The following DCC variants were observed in gnomAD, a reference collection of about 807,000 sequenced individuals.
DCC encodes netrin receptor DCC.
Under a neutral mutation model 172.5 loss-of-function variants are expected in DCC, and 58 were observed. That is an observed-to-expected ratio of 0.34 (90% CI 0.27 to 0.42). The LOEUF (loss-of-function observed/expected upper bound fraction) is 0.42. Ranked by LOEUF, DCC falls within the 10% of genes least tolerant of loss-of-function variation. The probability of loss-of-function intolerance (pLI) is 1.00; values close to 1 mark genes in which losing one functional copy is unlikely to be tolerated. For synonymous variants in DCC, 709 were observed against 644.5 expected, an observed-to-expected ratio of 1.10 and a Z score of -1.52; for missense variants, 1,740 against 1,791.0, an observed-to-expected ratio of 0.97 and a Z score of 0.51.
chr18:52,631,035 A>G (rs2144879829), intron 1 of DCC, among the ~76,000 whole-genome samples: 1 of 152,232 alleles, frequency 6.6e-6, no homozygotes, highest in East Asian at 1.9e-4. Context: ...TTCTCCTGGC[A>G]CCTCTAGCAT....
chr18:52,726,685 G>A (rs1444227414), intron 1 of DCC, among the ~76,000 whole-genome samples: 1 of 152,196 alleles, frequency 6.6e-6, no homozygotes, highest in Non-Finnish European at 1.5e-5. Context: ...AGGCTCTGAA[G>A]TCAGGAAGAC....
At chr18:52,453,897 T>G (rs1988381498) in intron 1 of DCC, among the ~76,000 whole-genome samples, 1 of 152,192 alleles carries the variant, frequency 6.6e-6, no homozygotes, top group Admixed American at 6.5e-5. Flanking sequence ...AGAAATGAAA[T>G]GACTTGTTAC....
chr18:52,563,571 T>A (rs1365338690), intron 1 of DCC, among the ~76,000 whole-genome samples: 4 of 152,192 alleles, frequency 2.6e-5, no homozygotes, highest in Non-Finnish European at 5.9e-5. Flanking sequence ...TCAGGAACAC[T>A]AAGTTTAAGG....
intron 27 of DCC, among the ~76,000 whole-genome samples, chr18:53,511,866 C>T (rs2046258675): frequency 6.6e-6 from 1 of 152,190 alleles, no homozygotes; most frequent in Admixed American, 6.5e-5. Flanking sequence ...GATCAAACTG[C>T]AAGGCGGCAG....
In DCC at chr18:52,901,910, C is replaced by T. The variant is rs367887454; in HGVS notation, c.413-4134C>T. 1.8e-3 allele frequency among the ~76,000 whole-genome samples: 273 copies of T among 152,214 alleles called. 1 individual carries two copies. Among genetic ancestry groups the T allele is most frequent in the African/African-American group, 6.3e-3 (261 of 41,552 alleles). ...TTCAAGCTTTTATTTATACACTTAA[C>T]TTTTTATAGTATCTGCAAATTGTGA... On this transcript the variant is annotated intron_variant, in intron 2 of 28. Coordinates refer to ENST00000442544, the MANE Select transcript of DCC (RefSeq NM_005215.4).
At chr18:53,529,038 TCACACACACA>T (rs140593675) in intron 28 of DCC, among the ~76,000 whole-genome samples, 48 of 65,248 alleles carry the variant, frequency 7.4e-4, no homozygotes, top group East Asian at 2.3e-3. Context: ...TCTCTCTCTC[TCACACACACA>T]CACACACACA....
At chr18:52,962,604 G>A (rs2040860035) in intron 5 of DCC, among the ~76,000 whole-genome samples, 1 of 151,648 alleles carries the variant, frequency 6.6e-6, no homozygotes, top group African/African-American at 2.4e-5. Context: ...CCCATTACTG[G>A]GTATATACCC....
intron 1 of DCC, among the ~76,000 whole-genome samples, chr18:52,534,914 C>T (rs2032248462): frequency 6.6e-6 from 1 of 152,112 alleles, no homozygotes; most frequent in African/African-American, 2.4e-5. Context: ...TAACTTTTGT[C>T]CAACCTTATT....
intron 27 of DCC, among the ~76,000 whole-genome samples, chr18:53,515,547 A>T (rs1226403934): frequency 6.9e-6 from 1 of 144,686 alleles, no homozygotes; most frequent in African/African-American, 2.6e-5. Flanking sequence ...TATCTAGAAA[A>T]CCCCATTGTC....
chr18:53,289,054 G>A (rs1598986986), intron 12 of DCC, among the ~76,000 whole-genome samples: 1 of 152,108 alleles, frequency 6.6e-6, no homozygotes, highest in East Asian at 1.9e-4. Context: ...GATTTGCCAG[G>A]AGGCTGCAGT....
intron 1 of DCC, among the ~76,000 whole-genome samples, chr18:52,529,190 T>G (rs1259694400): frequency 3.9e-5 from 6 of 152,234 alleles, no homozygotes; most frequent in African/African-American, 1.4e-4. Flanking sequence ...CTACAAAAAT[T>G]AATTGGTCAT....
At chr18:52,582,391 G>T (rs1251969571) in intron 1 of DCC, among the ~76,000 whole-genome samples, 1 of 152,126 alleles carries the variant, frequency 6.6e-6, no homozygotes, top group Non-Finnish European at 1.5e-5. Flanking sequence ...GAATTATGAG[G>T]CTTAATGGCA....
intron 2 of DCC, chr18:52,754,378 C>T (rs1355332867): frequency 6.6e-6 from 1 of 152,124 alleles, no homozygotes. Flanking sequence ...ATTCTAACCC[C>T]CAATGTGATA....
At position 52,947,089 on chromosome 18, in the gene DCC, C is replaced by T. The variant is rs368226081; in HGVS notation, c.985+21719C>T. On this transcript the variant is annotated intron_variant, in intron 5 of 28. Transcript: ENST00000442544. ...TCTGAGTGGCAGTTAACAAACTGCT[C>T]TTGCTTGTATCTTGAGTCTCTGCAT... 2.0e-5 allele frequency among the ~76,000 whole-genome samples: 3 copies of T among 152,082 alleles called. No individual in the cohort carries two copies. In the East Asian group the frequency reaches 5.8e-4, roughly 29 times the overall value.
chr18:52,488,943 C>T (rs757047071), intron 1 of DCC, among the ~76,000 whole-genome samples: 3 of 152,000 alleles, frequency 2.0e-5, no homozygotes, highest in African/African-American at 4.8e-5. Flanking sequence ...ACCACCTTTC[C>T]CCGCCTCTTC....
At chr18:52,611,296 C>T (rs1369752933) in intron 1 of DCC, among the ~76,000 whole-genome samples, 2 of 152,132 alleles carry the variant, frequency 1.3e-5, no homozygotes, top group African/African-American at 4.8e-5. Flanking sequence ...TCATCAAGGT[C>T]CCATTCAGTT....
intron 1 of DCC, among the ~76,000 whole-genome samples, chr18:52,563,415 C>T (rs140428119): frequency 1.3e-3 from 197 of 152,186 alleles, no homozygotes; most frequent in African/African-American, 4.4e-3. Flanking sequence ...CCTGCTCGAG[C>T]GTTTCATTCA....
At chr18:53,235,248 G>A (rs747837861) in intron 12 of DCC, among the ~76,000 whole-genome samples, 8 of 151,890 alleles carry the variant, frequency 5.3e-5, no homozygotes, top group Non-Finnish European at 1.0e-4. Flanking sequence ...TTTGAATTTG[G>A]CCCAATAACT....
chr18:53,044,685 A>G (rs1484768386), intron 5 of DCC, among the ~76,000 whole-genome samples: 1 of 151,890 alleles, frequency 6.6e-6, no homozygotes, highest in Non-Finnish European at 1.5e-5. Flanking sequence ...ACTAAGAAAG[A>G]AAAAATAACC....
Sources: gnomAD v4.1 joint callset for allele counts (sites outside exome capture counted in the v4.1 genomes callset) on GRCh38, gnomAD v4.1.1 for gene constraint, MANE v1.5 for transcripts, NCBI Gene and HGNC (gene_info 2026-07-23, HGNC 2026-07-21) for gene names.